Variants in PBRM1 observed in about 807,000 individuals in gnomAD.
PBRM1 encodes the protein protein polybromo-1.
In PBRM1, 27 loss-of-function variants were observed where a neutral mutation model predicts 194.5. That is an observed-to-expected ratio of 0.14 (90% CI 0.10 to 0.19). PBRM1 has a LOEUF of 0.19. PBRM1 is among the 10% of genes least tolerant of loss of function. The probability of loss-of-function intolerance (pLI) is 1.00; values close to 1 mark genes in which losing one functional copy is unlikely to be tolerated. For synonymous variants in PBRM1, 655 were observed against 693.2 expected, an observed-to-expected ratio of 0.94 and a Z score of 0.87; for missense variants, 1,466 against 2,077.2, an observed-to-expected ratio of 0.71 and a Z score of 5.72.
rs773959868 is a variant in PBRM1 at position 52,609,443 on chromosome 3, T to C, written c.2437A>G (p.Asn813Asp). The stretch of plus-strand genomic sequence containing the variant: ...GTAAGGGGTGGTTTGTTAGGAAAGT[T>C]GGGATCCACAGCAGGAATTTCTGCT... Residue 813 changes from asparagine to aspartate, a missense_variant, in exon 16 of 30, where the codon AAC becomes GAC. Asn to Asp is a conservative substitution (Grantham distance 23). This residue lies in a region of PBRM1 where 687 missense variants were observed against 946.2 expected (regional missense o/e 0.73). Coordinates refer to ENST00000296302, the Ensembl canonical transcript of PBRM1. This position sits in a 1 kb window ranked among gnomAD's most constrained non-coding sequence, Gnocchi z 4.1. The C allele has an allele frequency of 1.5e-5, 24 of 1,614,018 alleles. No homozygotes were observed. Among genetic ancestry groups the C allele is most frequent in the Admixed American group, 5.0e-5 (3 of 60,000 alleles).
At chr3:52,626,573 A>G (rs921020868) in intron 13 of PBRM1, among the ~76,000 whole-genome samples, 3 of 152,198 alleles carry the variant, frequency 2.0e-5, no homozygotes, top group East Asian at 3.8e-4. Flanking sequence ...AGGACAATAC[A>G]GTGTTCCACA....
chr3:52,661,645 G>C (rs778543003), intron 4 of PBRM1, among the ~76,000 whole-genome samples: 2 of 152,160 alleles, frequency 1.3e-5, no homozygotes, highest in Non-Finnish European at 2.9e-5. Flanking sequence ...AAAAGAGCCA[G>C]TCACGGGAAA....
chr3:52,648,762 C>A (rs368899241), intron 6 of PBRM1, among the ~76,000 whole-genome samples: 4 of 152,292 alleles, frequency 2.6e-5, no homozygotes, highest in South Asian at 2.1e-4. Flanking sequence ...AAGCACAGTT[C>A]TAAGTGCTTC....
At chr3:52,655,157 T>C (rs570598614) in intron 5 of PBRM1, among the ~76,000 whole-genome samples, 18 of 152,292 alleles carry the variant, frequency 1.2e-4, no homozygotes, top group Non-Finnish European at 2.2e-4. Context: ...CTCACACTGC[T>C]GTGCAACTAT....
chr3:52,627,465 G>A, intron 12 of PBRM1, 95 bp from the exon 14 acceptor site: 2 of 688,730 alleles, frequency 2.9e-6, no homozygotes, highest in Non-Finnish European at 5.1e-6. Flanking sequence ...GATTCACTCA[G>A]AAAAATACAA....
In PBRM1 at chr3:52,675,835, G is replaced by T. The variant is rs1453698311; in HGVS notation, c.236+2665C>A. On this transcript the variant is annotated intron_variant, in intron 2 of 29. Coordinates refer to ENST00000296302, the Ensembl canonical transcript of PBRM1. ...CACACATATAAAGAATGAAGCGGGG[G>T]CCGGGCGCGGTGGCTCACGCCTGTA... Among the ~76,000 whole-genome samples, 3 of 45,788 alleles carry T rather than the reference G, an allele frequency of 6.6e-5. 1 individual carries two copies. Among genetic ancestry groups the T allele is most frequent in the Admixed American group, 5.6e-4 (2 of 3,596 alleles). The allele number at this position is 45,788 out of a possible 152,430, so 30.0% of individuals were successfully genotyped here.
At chr3:52,674,056 A>AT (rs1365082630) in intron 2 of PBRM1, among the ~76,000 whole-genome samples, 30 of 151,008 alleles carry the variant, frequency 2.0e-4, no homozygotes, top group South Asian at 1.0e-3. Context: ...GTCTCAAAAA[A>AT]AAAATATATA....
intron 27 of PBRM1, among the ~76,000 whole-genome samples, chr3:52,551,170 G>A (rs2080892524): frequency 6.6e-6 from 1 of 152,202 alleles, no homozygotes; most frequent in Non-Finnish European, 1.5e-5. Context: ...TGCAACTGAA[G>A]CCTGTATTTA....
chr3:52,554,784 C>T, exon 27 of PBRM1: 1 of 1,586,970 alleles, frequency 6.3e-7, no homozygotes, highest in Non-Finnish European at 8.5e-7. Flanking sequence ...GGTGGAGGCC[C>T]CCCAGGGTGA....
chr3:52,644,442 T>G (rs1313516165), intron 8 of PBRM1, among the ~76,000 whole-genome samples: 1 of 152,124 alleles, frequency 6.6e-6, no homozygotes, highest in Non-Finnish European at 1.5e-5. Flanking sequence ...TGGAGTGCAG[T>G]GGTGCGGTCT....
Position 52,600,420 on chromosome 3 carries a change from C to T in PBRM1, c.2779+3101G>A, listed in dbSNP as rs183651480. On this transcript the variant is annotated intron_variant, in intron 17 of 29. Coordinates refer to ENST00000296302, the Ensembl canonical transcript of PBRM1. ...ATTTCAAAAGACCTGTCATCAATTC[C>T]TGAAATTATTTTTTCTGCTTGATAT... Among the ~76,000 whole-genome samples the T allele has an allele frequency of 9.0e-4, 137 of 152,166 alleles. No individual in the cohort carries two copies. The East Asian group carries it at 0.014, about 15-fold the overall frequency.
intron 21 of PBRM1, among the ~76,000 whole-genome samples, chr3:52,577,969 C>A (rs890536852): frequency 6.6e-6 from 1 of 152,134 alleles, no homozygotes; most frequent in African/African-American, 2.4e-5. Context: ...TGCACCCTAC[C>A]CCTGGCACTT....
Position 52,643,234 on chromosome 3 carries a change from ACTC to A in PBRM1, c.995+11_995+13del. 1 of 1,570,686 alleles carries A rather than the reference ACTC, an allele frequency of 6.4e-7. No homozygotes were observed. The highest frequency in any genetic ancestry group is 1.7e-5 in the Admixed American group (1 of 59,942). Reference sequence around the variant, plus strand: ...GCACAGGTCAACTCTCAGACTAAACACTCTTTTTCTCACCGGTAATACTTGCTA... The same window carrying A: ...GCACAGGTCAACTCTCAGACTAAACATTTTTCTCACCGGTAATACTTGCTA... On this transcript the variant is annotated intron_variant, in intron 9 of 29. Transcript: ENST00000296302.
chr3:52,586,382 T>G (rs2153752630), intron 20 of PBRM1, 43 bp downstream of exon 22: 1 of 1,537,778 alleles, frequency 6.5e-7, no homozygotes, highest in Non-Finnish European at 8.9e-7. Context: ...GAATAGGTGT[T>G]TTGAGATGTA....
In PBRM1 at chr3:52,637,523, C is replaced by T. The variant is rs1308775973; in HGVS notation, c.1088-2708G>A. Among the ~76,000 whole-genome samples, 3 of 152,008 alleles carry T rather than the reference C, an allele frequency of 2.0e-5. 1 individual carries two copies. Among genetic ancestry groups the T allele is most frequent in the South Asian group, 4.1e-4 (2 of 4,826 alleles). On this transcript the variant is annotated intron_variant, in intron 10 of 29. Coordinates refer to ENST00000296302, the Ensembl canonical transcript of PBRM1. ...TGGCATGTGCCTGTGGTCCCAGCTACGCCAGAGGCTGATGTGGAAAGATTG... is the reference window on the plus strand; with the variant it reads ...TGGCATGTGCCTGTGGTCCCAGCTATGCCAGAGGCTGATGTGGAAAGATTG...
intron 20 of PBRM1, among the ~76,000 whole-genome samples, chr3:52,581,046 T>C (rs2153702272): frequency 6.6e-6 from 1 of 152,338 alleles, no homozygotes; most frequent in South Asian, 2.1e-4. Context: ...CCAAAACATA[T>C]ATAAGCTGAG....
intron 22 of PBRM1, among the ~76,000 whole-genome samples, chr3:52,574,363 C>A (rs2088618931): frequency 6.6e-6 from 1 of 152,236 alleles, no homozygotes; most frequent in Non-Finnish European, 1.5e-5. Context: ...AAAGTCCCCA[C>A]TTCCCAACAC....
intron 29 of PBRM1, among the ~76,000 whole-genome samples, chr3:52,548,646 G>A (rs540210890): frequency 6.6e-6 from 1 of 152,208 alleles, no homozygotes; most frequent in African/African-American, 2.4e-5. Context: ...GGCTGGTCTT[G>A]AACTCCTGAC....
chr3:52,576,453 T>C, intron 22 of PBRM1, 88 bp downstream of exon 24: 1 of 1,028,450 alleles, frequency 9.7e-7, no homozygotes, highest in Non-Finnish European at 1.4e-6. Context: ...GCTCTATACC[T>C]AACACCTAGA....
Sources: gnomAD v4.1 joint callset for allele counts (sites outside exome capture counted in the v4.1 genomes callset) on GRCh38, gnomAD v4.1.1 for gene constraint, gnomAD v4.1.1 regional missense constraint, Gnocchi (gnomAD v3.1) non-coding constraint, MANE v1.5 for transcripts, NCBI Gene and HGNC (gene_info 2026-07-23, HGNC 2026-07-21) for gene names.